PSD3: variants seen among roughly 807,000 people sequenced by gnomAD.
The protein encoded by PSD3 is PH and SEC7 domain-containing protein 3.
Under a neutral mutation model 105.5 loss-of-function variants are expected in PSD3, and 49 were observed. The ratio of observed to expected loss-of-function variants is 0.46; its 90% CI spans 0.37 to 0.59. The LOEUF (loss-of-function observed/expected upper bound fraction) is 0.59, where lower values mean the gene tolerates loss of function less well. PSD3 is among the 20% of genes least tolerant of loss of function. The pLI is 0.00. For synonymous variants in PSD3, 557 were observed against 457.8 expected, an observed-to-expected ratio of 1.22 and a Z score of -2.77; for missense variants, 1,561 against 1,263.8, an observed-to-expected ratio of 1.24 and a Z score of -3.57.
At chr8:18,575,027 A>G (rs1288370864) in intron 13 of PSD3, 101 bp downstream of exon 13, 1 of 1,272,876 alleles carries the variant, frequency 7.9e-7, no homozygotes, top group Non-Finnish European at 1.1e-6. Flanking sequence ...TTTGATTCCA[A>G]CTCAAAAAAT....
chr8:18,985,016 C>T (rs1197786519), intron 1 of PSD3, among the ~76,000 whole-genome samples: 1 of 152,204 alleles, frequency 6.6e-6, no homozygotes, highest in Non-Finnish European at 1.5e-5. Context: ...TCACTACAAC[C>T]TCTGCCCTCC....
At chr8:18,848,112 T>C (rs1369540566) in intron 4 of PSD3, among the ~76,000 whole-genome samples, 2 of 147,964 alleles carry the variant, frequency 1.4e-5, no homozygotes, top group African/African-American at 5.0e-5. Context: ...GATCACAAGA[T>C]ACACAAGCTT....
chr8:18,767,329 T>C (rs1807082222), intron 8 of PSD3, among the ~76,000 whole-genome samples: 1 of 152,178 alleles, frequency 6.6e-6, no homozygotes, highest in African/African-American at 2.4e-5. Flanking sequence ...GATTTTTAGG[T>C]TCCGTATAGA....
chr8:18,770,695 AG>A (rs1429984115), intron 8 of PSD3, among the ~76,000 whole-genome samples: 1 of 152,224 alleles, frequency 6.6e-6, no homozygotes, highest in Non-Finnish European at 1.5e-5. Flanking sequence ...CTGAAGTCCC[AG>A]AGGAAGTGTT....
intron 10 of PSD3, among the ~76,000 whole-genome samples, chr8:18,648,975 T>C (rs1808263014): frequency 6.6e-6 from 1 of 152,218 alleles, no homozygotes; most frequent in South Asian, 2.1e-4. Flanking sequence ...TGTCAGAGAA[T>C]GTATGGAAAA....
intron 2 of PSD3, among the ~76,000 whole-genome samples, chr8:18,904,194 A>C (rs1197808727): frequency 6.6e-6 from 1 of 152,142 alleles, no homozygotes; most frequent in Non-Finnish European, 1.5e-5. Flanking sequence ...AGAGAGAAGG[A>C]GGTGCTAGGC....
At chr8:18,694,341 T>TGGCGCACGTCTGTAATCCCAGC (rs1471280237) in intron 9 of PSD3, among the ~76,000 whole-genome samples, 9 of 152,308 alleles carry the variant, frequency 5.9e-5, no homozygotes, top group African/African-American at 2.2e-4. Flanking sequence ...CCAGGCGCGG[T>TGGCGCACGTCTGTAATCCCAGC]GGCGCACGTC....
rs1198867360 is a variant in PSD3, at chr8:18,808,906, G to A, written c.1635-4008C>T. On this transcript the variant is annotated intron_variant, in intron 4 of 15. Transcript: ENST00000327040. ...GCCTTCCAAGAACCTGGCTCCCTGTGAGGTCACACTACTATGACCTCACAT... is the reference window on the plus strand; with the variant it reads ...GCCTTCCAAGAACCTGGCTCCCTGTAAGGTCACACTACTATGACCTCACAT... 9.0e-6 allele frequency: 14 copies of A among 1,551,132 alleles called. No individual in the cohort carries two copies. The East Asian group carries it at 2.3e-4, about 26-fold the overall frequency.
chr8:19,037,166 A>G (rs1827971041), intron 1 of PSD3, among the ~76,000 whole-genome samples: 1 of 152,244 alleles, frequency 6.6e-6, no homozygotes, highest in African/African-American at 2.4e-5. Context: ...GAAAATGGCA[A>G]TTTCAGGCCC....
intron 2 of PSD3, among the ~76,000 whole-genome samples, chr8:18,914,199 G>A (rs75662633): frequency 1.8e-3 from 250 of 137,912 alleles, no homozygotes; most frequent in Non-Finnish European, 1.7e-3. Flanking sequence ...TCATGATAAA[G>A]AAAAAAAAAA....
At chr8:18,752,556 T>TTATATATAA (rs1563225389) in intron 9 of PSD3, among the ~76,000 whole-genome samples, 2 of 19,558 alleles carry the variant, frequency 1.0e-4, no homozygotes, top group African/African-American at 3.4e-4. Context: ...TTATATATAA[T>TTATATATAA]TATATATATT....
At chr8:18,742,964 T>C (rs2129435026) in intron 9 of PSD3, among the ~76,000 whole-genome samples, 1 of 152,316 alleles carries the variant, frequency 6.6e-6, no homozygotes, top group Middle Eastern at 3.4e-3. Context: ...CAGTCAGGTC[T>C]CTTACAATTT....
chr8:18,842,722 G>A (rs1332534460), intron 4 of PSD3, among the ~76,000 whole-genome samples: 3 of 145,872 alleles, frequency 2.1e-5, no homozygotes, highest in African/African-American at 4.9e-5. Context: ...GACAAAGCGA[G>A]ACTCCGTCTA....
At chr8:18,567,161 C>G (rs1001264216) in intron 14 of PSD3, among the ~76,000 whole-genome samples, 1 of 152,166 alleles carries the variant, frequency 6.6e-6, no homozygotes, top group Admixed American at 6.5e-5. Flanking sequence ...CTCACCTTCT[C>G]CCCTGGATCT....
chr8:18,728,983 C>G (rs1380120815), intron 9 of PSD3, among the ~76,000 whole-genome samples: 1 of 152,116 alleles, frequency 6.6e-6, no homozygotes, highest in Non-Finnish European at 1.5e-5. Context: ...CTCTGTATCT[C>G]AAAATGTCTG....
At chr8:18,731,917 C>T (rs1803782867) in intron 9 of PSD3, among the ~76,000 whole-genome samples, 1 of 152,100 alleles carries the variant, frequency 6.6e-6, no homozygotes, top group African/African-American at 2.4e-5. Context: ...GAGTAGGATG[C>T]ACAGCTATTT....
chr8:18,868,895 T>C (rs1817138348), intron 3 of PSD3, among the ~76,000 whole-genome samples: 1 of 152,212 alleles, frequency 6.6e-6, no homozygotes, highest in Admixed American at 6.5e-5. Flanking sequence ...TTACTAGCTA[T>C]ATCACTTGAA....
chr8:18,644,306 ATATCTTACTG>A (rs1411763223), intron 10 of PSD3, among the ~76,000 whole-genome samples: 1 of 152,100 alleles, frequency 6.6e-6, no homozygotes, highest in Non-Finnish European at 1.5e-5. Flanking sequence ...CATTCCTCTC[ATATCTTACTG>A]TATGTGGTTA....
At chr8:18,948,007 A>C (rs1254111334) in intron 1 of PSD3, among the ~76,000 whole-genome samples, 1 of 152,222 alleles carries the variant, frequency 6.6e-6, no homozygotes, top group African/African-American at 2.4e-5. Flanking sequence ...AATTTGAAGA[A>C]AATTAACAAC....
Sources: gnomAD v4.1 joint callset for allele counts (sites outside exome capture counted in the v4.1 genomes callset) on GRCh38, gnomAD v4.1.1 for gene constraint, MANE v1.5 for transcripts, NCBI Gene and HGNC (gene_info 2026-07-23, HGNC 2026-07-21) for gene names.